SGCZ: variants seen among roughly 807,000 people sequenced by gnomAD.
The protein encoded by SGCZ is zeta-sarcoglycan.
SGCZ carries 40 observed loss-of-function variants against 41.3 expected under a neutral mutation model. The ratio of observed to expected loss-of-function variants is 0.97; its 90% confidence interval spans 0.75 to 1.26. The LOEUF (loss-of-function observed/expected upper bound fraction) is 1.26, where lower values mean the gene tolerates loss of function less well. Among genes scored for constraint, SGCZ ranks in the 50% most tolerant of loss-of-function variants. The pLI, the probability that SGCZ is intolerant of heterozygous loss-of-function variation, is 0.00. For missense variants in SGCZ, 552 were observed against 369.8 expected, an observed-to-expected ratio of 1.49 and a Z score of -4.04; for synonymous variants, 206 against 137.5, an observed-to-expected ratio of 1.50 and a Z score of -3.49.
chr8:14,928,327 T>C (rs1362386383), intron 1 of SGCZ, among the ~76,000 whole-genome samples: 1 of 152,186 alleles, frequency 6.6e-6, no homozygotes, highest in Non-Finnish European at 1.5e-5. Flanking sequence ...TGCTAGCCTT[T>C]TGTTTCCATA....
intron 1 of SGCZ, among the ~76,000 whole-genome samples, chr8:14,607,910 A>G (rs1805804149): frequency 6.6e-6 from 1 of 152,222 alleles, no homozygotes; most frequent in African/African-American, 2.4e-5. Flanking sequence ...AAATTACAGT[A>G]AAAATATGTT....
At position 14,841,660 on chromosome 8, in the gene SGCZ, G is replaced by C. The variant is rs146966600; in HGVS notation, c.40-286734C>G. Among the ~76,000 whole-genome samples, 1,202 of 152,264 alleles carry C rather than the reference G, an allele frequency of 7.9e-3. 19 individuals are homozygous for C. Among genetic ancestry groups the C allele is most frequent in the African/African-American group, 0.028 (1,145 of 41,556 alleles). On this transcript the variant is annotated intron_variant, in intron 1 of 7. Coordinates refer to ENST00000382080, the MANE Select transcript of SGCZ (RefSeq NM_139167.4). ...TGTCGATGGCCAAGAGTTGTGTTAT[G>C]AGTGCTATTGGAAGGGACAAGCCCA...
intron 1 of SGCZ, among the ~76,000 whole-genome samples, chr8:15,204,470 G>T (rs990984890): frequency 3.3e-5 from 5 of 152,144 alleles, no homozygotes; most frequent in African/African-American, 1.2e-4. Flanking sequence ...CTATACTTCA[G>T]TCAAATTGGG....
At chr8:15,093,684 A>C (rs1441893256) in intron 1 of SGCZ, among the ~76,000 whole-genome samples, 3 of 152,184 alleles carry the variant, frequency 2.0e-5, no homozygotes, top group Non-Finnish European at 2.9e-5. Flanking sequence ...TGTACGTCAA[A>C]GTAAAAAAAT....
rs77725099 is a variant in SGCZ, at chr8:14,438,272, T to C, written c.235-114068A>G. Among the ~76,000 whole-genome samples the C allele has an allele frequency of 4.0e-3, 603 of 152,166 alleles. 6 individuals carry two copies. The highest frequency in any genetic ancestry group is 0.032 in the East Asian group (164 of 5,190). On this transcript the variant is annotated intron_variant, in intron 2 of 7. Transcript: ENST00000382080. ...GGAATCATGGAATTCTCTTATTTTA[T>C]ATATTCATAATTTTAGAAGAAAAAG...
chr8:14,552,018 T>C (rs1254950000), intron 2 of SGCZ, among the ~76,000 whole-genome samples: 2 of 151,936 alleles, frequency 1.3e-5, no homozygotes, highest in East Asian at 1.9e-4. Context: ...CTGTGTTGGA[T>C]ACAATAGTTA....
At chr8:14,492,583 C>T (rs945500869) in intron 2 of SGCZ, among the ~76,000 whole-genome samples, 1 of 151,872 alleles carries the variant, frequency 6.6e-6, no homozygotes, top group African/African-American at 2.4e-5. Flanking sequence ...CTTTTTTTTC[C>T]ACTCAAATAT....
chr8:14,767,499 A>C (rs1800077119), intron 1 of SGCZ, among the ~76,000 whole-genome samples: 1 of 152,208 alleles, frequency 6.6e-6, no homozygotes, highest in Non-Finnish European at 1.5e-5. Flanking sequence ...AAAGTTAATA[A>C]TTTAACCAGT....
intron 1 of SGCZ, among the ~76,000 whole-genome samples, chr8:15,065,453 T>C (rs1266188209): frequency 3.6e-5 from 5 of 138,246 alleles, no homozygotes; most frequent in African/African-American, 1.4e-4. Flanking sequence ...ATTATTATTA[T>C]TATTATTTTG....
chr8:14,890,945 C>T (rs1804990129), intron 1 of SGCZ, among the ~76,000 whole-genome samples: 2 of 152,206 alleles, frequency 1.3e-5, no homozygotes, highest in South Asian at 2.1e-4. Flanking sequence ...GATAGCAGCA[C>T]TTCTGTTTAT....
At chr8:14,770,688 T>C (rs1008304391) in intron 1 of SGCZ, among the ~76,000 whole-genome samples, 2 of 152,118 alleles carry the variant, frequency 1.3e-5, no homozygotes, top group Non-Finnish European at 2.9e-5. Flanking sequence ...TGAACCTGTA[T>C]AGTATGCCAT....
chr8:14,616,680 G>C (rs558991152), intron 1 of SGCZ, among the ~76,000 whole-genome samples: 3 of 152,094 alleles, frequency 2.0e-5, no homozygotes, highest in East Asian at 1.9e-4. Context: ...GAGTATGTTA[G>C]TCAACTGATT....
At chr8:14,687,246 A>C (rs531444301) in intron 1 of SGCZ, among the ~76,000 whole-genome samples, 5,712 of 150,622 alleles carry the variant, frequency 0.038, 135 homozygotes, top group South Asian at 0.089. Flanking sequence ...CACAATGTGC[A>C]CGTTAGTTAC....
chr8:15,160,280 T>A (rs1435498495), intron 1 of SGCZ, among the ~76,000 whole-genome samples: 1 of 152,208 alleles, frequency 6.6e-6, no homozygotes. Flanking sequence ...TGGTCCATAT[T>A]GTAGCAATTC....
intron 4 of SGCZ, among the ~76,000 whole-genome samples, chr8:14,197,612 A>C (rs1374293620): frequency 6.6e-6 from 1 of 152,094 alleles, no homozygotes; most frequent in African/African-American, 2.4e-5. Flanking sequence ...TTCAAATTAC[A>C]TTTATTATAA....
intron 1 of SGCZ, among the ~76,000 whole-genome samples, chr8:14,962,134 A>G (rs1440199798): frequency 6.6e-6 from 1 of 152,126 alleles, no homozygotes; most frequent in Non-Finnish European, 1.5e-5. Context: ...CCTCAACATC[A>G]AGTGTATCAT....
intron 2 of SGCZ, among the ~76,000 whole-genome samples, chr8:14,420,621 G>A (rs1799613192): frequency 1.3e-5 from 2 of 151,964 alleles, no homozygotes; most frequent in Admixed American, 1.3e-4. Context: ...GCTCAGAAAT[G>A]TGTTTGCACA....
chr8:14,717,994 A>ATATAT, intron 1 of SGCZ, among the ~76,000 whole-genome samples: 1 of 89,350 alleles, frequency 1.1e-5, no homozygotes, highest in Non-Finnish European at 2.0e-5. Context: ...ATTCTAAAAT[A>ATATAT]AGATATATAT....
Position 14,730,697 on chromosome 8 carries a change from G to C in SGCZ, c.40-175771C>G, listed in dbSNP as rs190602504. Among the ~76,000 whole-genome samples, 3 of 151,722 alleles carry C rather than the reference G, an allele frequency of 2.0e-5. 1 individual carries two copies. Among genetic ancestry groups the C allele is most frequent in the Admixed American group, 1.3e-4 (2 of 15,248 alleles). ...ATCTTTATTATGTCACCGGGGACTG[G>C]GGCCAACATGTTCACCAAGGCACCT... On this transcript the variant is annotated intron_variant, in intron 1 of 7. Transcript: ENST00000382080.
Sources: gnomAD v4.1 joint callset for allele counts (sites outside exome capture counted in the v4.1 genomes callset) on GRCh38, gnomAD v4.1.1 for gene constraint, MANE v1.5 for transcripts, NCBI Gene and HGNC (gene_info 2026-07-23, HGNC 2026-07-21) for gene names.